RPTOR: variants seen among roughly 807,000 people sequenced by gnomAD.
The protein encoded by RPTOR is regulatory-associated protein of mTOR.
In RPTOR, 21 loss-of-function variants were observed where a neutral mutation model predicts 169.9. The observed-to-expected ratio is 0.12, with a 90% CI of 0.09 to 0.18. RPTOR has a LOEUF of 0.18. Among genes scored for constraint, RPTOR ranks in the 10% least tolerant of loss-of-function variants. RPTOR has a pLI of 1.00. For missense variants in RPTOR, 1,133 were observed against 1,855.9 expected, an observed-to-expected ratio of 0.61 and a Z score of 7.16; for synonymous variants, 732 against 753.2, an observed-to-expected ratio of 0.97 and a Z score of 0.46.
At chr17:80,854,488 G>A (rs1489361519) in intron 11 of RPTOR, among the ~76,000 whole-genome samples, 1 of 152,214 alleles carries the variant, frequency 6.6e-6, no homozygotes, top group Non-Finnish European at 1.5e-5. Context: ...GGTAACTTAA[G>A]TATATATGCT....
intron 6 of RPTOR, among the ~76,000 whole-genome samples, chr17:80,778,142 T>C (rs913993776): frequency 6.6e-6 from 1 of 152,208 alleles, no homozygotes; most frequent in Admixed American, 6.5e-5. Context: ...TTACCAACAT[T>C]ACTTTAAAAT....
chr17:80,845,801 C>T lies in RPTOR; in HGVS notation c.1213-672C>T, dbSNP rs7226025. On this transcript the variant is annotated intron_variant, in intron 10 of 33. Coordinates refer to ENST00000306801, the MANE Select transcript of RPTOR (RefSeq NM_020761.3). The surrounding 1 kb of genome is among the most constrained non-coding windows in gnomAD (Gnocchi z 5.4). ...GAAACCCCTCTGGCTGCGCTTTTGC[C>T]CAACTCCAGAGCGTTCTTGCTGCTG... Among the ~76,000 whole-genome samples, 963 of 152,322 alleles carry T rather than the reference C, an allele frequency of 6.3e-3. 19 individuals carry two copies. Among genetic ancestry groups the T allele is most frequent in the African/African-American group, 0.022 (917 of 41,570 alleles).
chr17:80,598,887 TCTA>T (rs780161750), intron 1 of RPTOR, among the ~76,000 whole-genome samples: 28 of 119,710 alleles, frequency 2.3e-4, no homozygotes, highest in Non-Finnish European at 5.0e-4. Context: ...ATTCTTTCTA[TCTA>T]TCTATCTATC....
chr17:80,833,391 C>G (rs1286683774), intron 9 of RPTOR, among the ~76,000 whole-genome samples: 2 of 152,222 alleles, frequency 1.3e-5, no homozygotes, highest in Non-Finnish European at 2.9e-5. Flanking sequence ...CACTCCAGCA[C>G]TCCAGCCCTG....
At chr17:80,755,528 G>A (rs983296470) in intron 6 of RPTOR, among the ~76,000 whole-genome samples, 4 of 152,136 alleles carry the variant, frequency 2.6e-5, no homozygotes, top group Middle Eastern at 3.2e-3. Context: ...CTTGAGGCCA[G>A]GAGTTCGAGA....
rs2143745307 is a variant in RPTOR, at chr17:80,855,559, C to A, written c.1398+12C>A. 1 of 1,596,538 alleles carries A rather than the reference C, an allele frequency of 6.3e-7. No individual in the cohort carries two copies. ...GGGCAGTGAGCCTGGTGCGTGCCTT[C>A]CGCATTAACCTGGGGGCTGAGGGAG... On this transcript the variant is annotated intron_variant, in intron 12 of 33. Transcript: ENST00000306801.
At chr17:80,698,530 G>A (rs1048113001) in intron 3 of RPTOR, among the ~76,000 whole-genome samples, 1 of 152,194 alleles carries the variant, frequency 6.6e-6, no homozygotes, top group African/African-American at 2.4e-5. Flanking sequence ...GCGGGAAGTG[G>A]AAAGAGCTGG....
rs563204655 is a variant in RPTOR, at chr17:80,557,040, G to A, written c.162+11249G>A. Among the ~76,000 whole-genome samples the A allele has an allele frequency of 3.9e-5, 6 of 152,222 alleles. No individual in the cohort carries two copies. In the South Asian group the frequency reaches 1.2e-3, roughly 32 times the overall value. ...GAACTCAGGAGGTGGAGGTTGCAGT[G>A]AGCCAAGATCTTGCCACTGCACTTC... On this transcript the variant is annotated intron_variant, in intron 1 of 33. Transcript: ENST00000306801.
chr17:80,862,921 C>T (rs560148694), intron 13 of RPTOR, among the ~76,000 whole-genome samples: 29 of 152,332 alleles, frequency 1.9e-4, no homozygotes, highest in South Asian at 1.0e-3. Context: ...TGCCGCCAGC[C>T]GGCCCTCAGG....
chr17:80,644,038 A>G (rs1243885358), intron 3 of RPTOR, among the ~76,000 whole-genome samples: 2 of 152,264 alleles, frequency 1.3e-5, no homozygotes, highest in African/African-American at 2.4e-5. Context: ...TGGACAGTCC[A>G]ACTTATTTTG....
chr17:80,786,528 C>T lies in RPTOR; in HGVS notation c.831-4922C>T, dbSNP rs564956959. Among the ~76,000 whole-genome samples the T allele has an allele frequency of 1.1e-4, 16 of 152,302 alleles. No individual in the cohort carries two copies. In the South Asian group the frequency reaches 3.3e-3, roughly 32 times the overall value. ...AAAGAACCATTCTTGAATCAGGCAG[C>T]CCCAGAACCAGAGTAGGTTCAGAGT... On this transcript the variant is annotated intron_variant, in intron 6 of 33. Coordinates refer to ENST00000306801, the MANE Select transcript of RPTOR (RefSeq NM_020761.3).
At position 80,726,230 on chromosome 17, in the gene RPTOR, A is replaced by G. The variant is rs2066332594; in HGVS notation, c.508-4330A>G. Among the ~76,000 whole-genome samples, 3 of 152,156 alleles carry G rather than the reference A, an allele frequency of 2.0e-5. No individual in the cohort carries two copies. Among genetic ancestry groups the G allele is most frequent in the Admixed American group, 2.0e-4 (3 of 15,278 alleles). On this transcript the variant is annotated intron_variant, in intron 4 of 33. Transcript: ENST00000306801. This position sits in a 1 kb window ranked among gnomAD's most constrained non-coding sequence, Gnocchi z 4.5. ...GGGGTGAAAGCCCCTCTTAGAATTT[A>G]AAGTCCTAGAGCAGAGACCAACTGG...
At chr17:80,770,146 T>A (rs943160049) in intron 6 of RPTOR, among the ~76,000 whole-genome samples, 1 of 152,206 alleles carries the variant, frequency 6.6e-6, no homozygotes, top group Non-Finnish European at 1.5e-5. Context: ...CGTGTCCTCC[T>A]GGGAGGACTG....
At chr17:80,853,929 C>T (rs913196243) in intron 11 of RPTOR, among the ~76,000 whole-genome samples, 8 of 151,354 alleles carry the variant, frequency 5.3e-5, no homozygotes, top group Non-Finnish European at 7.4e-5. Flanking sequence ...TGCAGTGAGC[C>T]GAGATTGCGC....
chr17:80,890,972 G>A (rs557017403), intron 17 of RPTOR, among the ~76,000 whole-genome samples: 2 of 151,988 alleles, frequency 1.3e-5, no homozygotes, highest in Admixed American at 1.3e-4. Flanking sequence ...CTAAGAATCC[G>A]TATTTTTTCT....
intron 28 of RPTOR, among the ~76,000 whole-genome samples, chr17:80,955,147 CTT>C (rs2069232455): frequency 1.3e-5 from 2 of 152,316 alleles, no homozygotes; most frequent in South Asian, 4.1e-4. Flanking sequence ...TATTAATACA[CTT>C]TTGATTATAT....
At chr17:80,925,327 G>C (rs1377178320) in intron 23 of RPTOR, 43 bp from the exon 24 acceptor site, 1 of 1,534,254 alleles carries the variant, frequency 6.5e-7, no homozygotes, top group Admixed American at 1.7e-5. Context: ...ATGACTGACT[G>C]GTGTTTCTTT....
At chr17:80,856,182 G>T (rs1276733868) in intron 12 of RPTOR, among the ~76,000 whole-genome samples, 1 of 152,212 alleles carries the variant, frequency 6.6e-6, no homozygotes, top group Non-Finnish European at 1.5e-5. Flanking sequence ...TGGTTCTGTT[G>T]AAGTTCCAAA....
intron 13 of RPTOR, among the ~76,000 whole-genome samples, chr17:80,862,877 A>G (rs935943721): frequency 5.3e-4 from 81 of 152,300 alleles, no homozygotes; most frequent in African/African-American, 1.9e-3. Context: ...GACAGAAGCC[A>G]GCCACTCCCC....
Sources: gnomAD v4.1 joint callset for allele counts (sites outside exome capture counted in the v4.1 genomes callset) on GRCh38, gnomAD v4.1.1 for gene constraint, Gnocchi (gnomAD v3.1) non-coding constraint, MANE v1.5 for transcripts, NCBI Gene and HGNC (gene_info 2026-07-23, HGNC 2026-07-21) for gene names.